The following ZNF804B variants were observed in gnomAD, a reference collection of about 807,000 sequenced individuals.
ZNF804B encodes zinc finger protein 804B.
Under a neutral mutation model 101.4 loss-of-function variants are expected in ZNF804B, and 80 were observed. The observed-to-expected ratio is 0.79, with a 90% confidence interval of 0.66 to 0.95. The LOEUF (loss-of-function observed/expected upper bound fraction) is 0.95. Ranked by LOEUF, ZNF804B falls within the 40% of genes least tolerant of loss-of-function variation. ZNF804B has a pLI of 0.00. For synonymous variants in ZNF804B, 622 were observed against 558.8 expected (o/e 1.11, Z -1.59); for missense variants, 1,673 against 1,561.9 (o/e 1.07, Z -1.20).
intron 1 of ZNF804B, among the ~76,000 whole-genome samples, chr7:89,148,692 CTTAAGAGGTTTGTGAACAGAATTT>C (rs776873359): frequency 2.2e-4 from 33 of 151,948 alleles, no homozygotes; most frequent in Non-Finnish European, 4.3e-4. Context: ...AATGTAGTCA[CTTAAGAGGTTTGTGAACAGAATTT>C]TTAAAAATCC....
At chr7:88,879,858 G>T (rs1017512964) in intron 1 of ZNF804B, among the ~76,000 whole-genome samples, 1 of 152,052 alleles carries the variant, frequency 6.6e-6, no homozygotes, top group Admixed American at 6.6e-5. Context: ...GGGAAACATG[G>T]TGAAACCCCG....
At chr7:88,814,988 C>T (rs575782174) in intron 1 of ZNF804B, among the ~76,000 whole-genome samples, 1 of 150,144 alleles carries the variant, frequency 6.7e-6, no homozygotes, top group Non-Finnish European at 1.5e-5. Context: ...TCTTGTCCTG[C>T]AAATTTCTTG....
At chr7:89,300,845 A>G (rs963393447) in intron 2 of ZNF804B, among the ~76,000 whole-genome samples, 20 of 151,912 alleles carry the variant, frequency 1.3e-4, no homozygotes, top group Admixed American at 4.0e-4. Context: ...CTCTGTTTGT[A>G]TTGTAAACAG....
At chr7:89,092,265 A>C (rs1277915724) in intron 1 of ZNF804B, among the ~76,000 whole-genome samples, 3 of 151,522 alleles carry the variant, frequency 2.0e-5, no homozygotes, top group African/African-American at 7.3e-5. Context: ...TCACCTCCCA[A>C]AGTCCCTACC....
At chr7:89,216,264 C>T (rs1374756712) in intron 1 of ZNF804B, among the ~76,000 whole-genome samples, 1 of 152,162 alleles carries the variant, frequency 6.6e-6, no homozygotes, top group South Asian at 2.1e-4. Flanking sequence ...GCCGAGATCG[C>T]GCCATTGCAC....
chr7:88,833,232 G>C (rs1474854093), intron 1 of ZNF804B, among the ~76,000 whole-genome samples: 1 of 151,408 alleles, frequency 6.6e-6, no homozygotes, highest in Admixed American at 6.6e-5. Context: ...AGGAAAAAGA[G>C]GTTTGTTTTT....
chr7:88,981,333 C>G (rs1014998493), intron 1 of ZNF804B, among the ~76,000 whole-genome samples: 1 of 152,074 alleles, frequency 6.6e-6, no homozygotes, highest in African/African-American at 2.4e-5. Context: ...AGGACTCTAC[C>G]TGATGCTCTA....
chr7:88,933,553 C>T (rs142854758), intron 1 of ZNF804B, among the ~76,000 whole-genome samples: 1 of 151,982 alleles, frequency 6.6e-6, no homozygotes, highest in African/African-American at 2.4e-5. Context: ...AAGTTTCGTT[C>T]AAAAAGCTCC....
chr7:89,119,228 C>T (rs549545158), intron 1 of ZNF804B, among the ~76,000 whole-genome samples: 1 of 152,192 alleles, frequency 6.6e-6, no homozygotes, highest in South Asian at 2.1e-4. Context: ...TATCAAGGGA[C>T]ATTAAAAATT....
At chr7:88,809,399 C>G in intron 1 of ZNF804B, among the ~76,000 whole-genome samples, 1 of 151,964 alleles carries the variant, frequency 6.6e-6, no homozygotes, top group Non-Finnish European at 1.5e-5. Flanking sequence ...ATCTACCAAC[C>G]TACCTACCTA....
At chr7:89,076,970 G>A (rs1445054410) in intron 1 of ZNF804B, among the ~76,000 whole-genome samples, 1 of 152,152 alleles carries the variant, frequency 6.6e-6, no homozygotes. Flanking sequence ...TCATATGCCA[G>A]TGAGAATGGC....
chr7:89,334,488 T>G lies in ZNF804B; in HGVS notation c.1506T>G (p.Gly502=), dbSNP rs1403055898. 1 of 1,613,704 alleles carries G rather than the reference T, an allele frequency of 6.2e-7. No homozygotes were observed. The highest frequency in any genetic ancestry group is 1.1e-5 in the South Asian group (1 of 91,066). ...TAGAGGACTTAAAAACAGAATTGGG[T>G]AAGAAGCCCTTGGAATTGAAGACTA... is the stretch of plus-strand genomic sequence containing the variant. ...HNLEDLKTEL[G]KKPLELKTKR... The change falls in exon 4 of 4, where the codon GGT becomes GGG. Residue 502 remains glycine (G), a synonymous_variant. Coordinates refer to ENST00000333190, the MANE Select transcript of ZNF804B (RefSeq NM_181646.5).
At chr7:89,209,294 A>C (rs34746249) in intron 1 of ZNF804B, among the ~76,000 whole-genome samples, 18,575 of 152,044 alleles carry the variant, frequency 0.12, 1,219 homozygotes, top group Middle Eastern at 0.25. Flanking sequence ...ATCTTTGATG[A>C]ATCATTAATA....
intron 1 of ZNF804B, among the ~76,000 whole-genome samples, chr7:88,857,986 C>A (rs1791596989): frequency 6.6e-6 from 1 of 151,942 alleles, no homozygotes. Flanking sequence ...TCATGCCCAG[C>A]TAATTTTTGT....
At chr7:89,267,533 A>C (rs2115829189) in intron 2 of ZNF804B, among the ~76,000 whole-genome samples, 1 of 152,014 alleles carries the variant, frequency 6.6e-6, no homozygotes, top group East Asian at 2.0e-4. Flanking sequence ...ACTTATTTCC[A>C]CCAAATATGG....
chr7:89,219,860 ATGTGTGTATATGTAGTATATG>A (rs1788955342), intron 2 of ZNF804B, among the ~76,000 whole-genome samples: 1 of 130,748 alleles, frequency 7.6e-6, no homozygotes, highest in Non-Finnish European at 1.6e-5. Context: ...ATATGTATAT[ATGTGTGTATATGTAGTATATG>A]TGTGTATATA....
chr7:89,089,745 G>A (rs1241558404), intron 1 of ZNF804B, among the ~76,000 whole-genome samples: 1 of 151,994 alleles, frequency 6.6e-6, no homozygotes, highest in Non-Finnish European at 1.5e-5. Flanking sequence ...CCTGAAATGT[G>A]CAGGTGGCAA....
At chr7:88,871,126 T>C (rs1791817386) in intron 1 of ZNF804B, among the ~76,000 whole-genome samples, 1 of 152,140 alleles carries the variant, frequency 6.6e-6, no homozygotes, top group South Asian at 2.1e-4. Context: ...TAGGAATAAA[T>C]GATTGATATG....
At chr7:89,000,793 GTT>G (rs1788273932) in intron 1 of ZNF804B, among the ~76,000 whole-genome samples, 1 of 150,888 alleles carries the variant, frequency 6.6e-6, no homozygotes, top group Non-Finnish European at 1.5e-5. Flanking sequence ...CACTCATGTT[GTT>G]GCAAATGGCA....
Sources: gnomAD v4.1 joint callset for allele counts (sites outside exome capture counted in the v4.1 genomes callset) on GRCh38, gnomAD v4.1.1 for gene constraint, MANE v1.5 for transcripts, NCBI Gene and HGNC (gene_info 2026-07-23, HGNC 2026-07-21) for gene names.